The following MFSD8 variants were observed in gnomAD, a reference collection of about 807,000 sequenced individuals.
The protein encoded by MFSD8 is major facilitator superfamily domain-containing protein 8.
MFSD8 carries 55 observed loss-of-function variants against 66.4 expected under a neutral mutation model. The ratio of observed to expected loss-of-function variants is 0.83; its 90% confidence interval spans 0.67 to 1.04. The LOEUF (loss-of-function observed/expected upper bound fraction) is 1.04. MFSD8 is among the 50% of genes least tolerant of loss of function. The pLI, the probability that MFSD8 is intolerant of heterozygous loss-of-function variation, is 0.00. For synonymous variants in MFSD8, 202 were observed against 212.8 expected (o/e 0.95, Z 0.44); for missense variants, 550 against 627.6 (o/e 0.88, Z 1.32).
intron 9 of MFSD8, among the ~76,000 whole-genome samples, chr4:127,927,645 A>C (rs1199646290): frequency 6.6e-6 from 1 of 152,198 alleles, no homozygotes; most frequent in East Asian, 1.9e-4. Context: ...ATTTTACACA[A>C]GCATTTCCCT....
At chr4:127,930,602 G>C in intron 9 of MFSD8, 81 bp downstream of exon 9, 1 of 1,448,848 alleles carries the variant, frequency 6.9e-7, no homozygotes, top group Non-Finnish European at 9.6e-7. Context: ...TTATTTTCCT[G>C]GTATATCCAT....
chr4:127,936,962 T>C (rs1415760804), intron 7 of MFSD8, among the ~76,000 whole-genome samples: 1 of 152,232 alleles, frequency 6.6e-6, no homozygotes, highest in Non-Finnish European at 1.5e-5. Context: ...CTTTACCTGA[T>C]AGCTCCTTGA....
Position 127,949,851 on chromosome 4 carries a change from T to C in MFSD8, c.155-4A>G, listed in dbSNP as rs778358099. 2 of 1,608,612 alleles carry C rather than the reference T, an allele frequency of 1.2e-6. No individual in the cohort carries two copies. Among genetic ancestry groups the C allele is most frequent in the South Asian group, 2.2e-5 (2 of 89,798 alleles). On this transcript the variant is annotated splice_polypyrimidine_tract_variant and splice_region_variant and intron_variant, in intron 2 of 11. Transcript: ENST00000641686. ...GACATCATCACTACAGAAAACCCTG[T>C]GAAGAAGCAAACTAGGTTATTTATA... is the stretch of plus-strand genomic sequence containing the variant.
chr4:127,933,391 G>A (rs1738498959), intron 7 of MFSD8: 1 of 264,672 alleles, frequency 3.8e-6, no homozygotes, highest in Non-Finnish European at 7.3e-6. Context: ...GGCTACAGAT[G>A]TACTACCACG....
rs1736011267 is a variant in MFSD8 at position 127,918,054 on chromosome 4, G to C, written c.*2576C>G. On this transcript the variant is annotated 3_prime_UTR_variant, in exon 12 of 12. Transcript: ENST00000641686. ...AGAGTTTATTTTTAAATGTAAAGCTGAACAAGATAGAATGGAGATGCTTTG... is the reference window on the plus strand; with the variant it reads ...AGAGTTTATTTTTAAATGTAAAGCTCAACAAGATAGAATGGAGATGCTTTG... 6.6e-6 allele frequency: 1 copy of C among 152,140 alleles called. No individual in the cohort carries two copies. Among genetic ancestry groups the C allele is most frequent in the Non-Finnish European group, 1.5e-5 (1 of 67,996 alleles). The allele number at this position is 152,140 out of a possible 1,614,324, so 9.4% of individuals were successfully genotyped here.
At chr4:127,956,875 A>T (rs1470791135) in intron 2 of MFSD8, among the ~76,000 whole-genome samples, 3 of 151,262 alleles carry the variant, frequency 2.0e-5, no homozygotes, top group Admixed American at 6.6e-5. Flanking sequence ...AGTGTTAGGG[A>T]CTCTTAGTAG....
At chr4:127,941,401 G>C (rs1740165533) in intron 5 of MFSD8, among the ~76,000 whole-genome samples, 1 of 152,036 alleles carries the variant, frequency 6.6e-6, no homozygotes. Context: ...TATTATTCTA[G>C]GCATGAAAAT....
intron 9 of MFSD8, among the ~76,000 whole-genome samples, chr4:127,927,332 C>T (rs543792674): frequency 1.3e-5 from 2 of 152,102 alleles, no homozygotes; most frequent in Non-Finnish European, 2.9e-5. Context: ...CTGGCCACCA[C>T]ACCCAGCTAA....
chr4:127,936,981 T>A (rs964571418), intron 7 of MFSD8, among the ~76,000 whole-genome samples: 1 of 152,220 alleles, frequency 6.6e-6, no homozygotes, highest in East Asian at 1.9e-4. Context: ...GAAGTTAGCA[T>A]CCTATTTTTT....
chr4:127,965,490 G>C, upstream of MFSD8: 2 of 397,480 alleles, frequency 5.0e-6, no homozygotes, highest in Non-Finnish European at 4.7e-6. Flanking sequence ...TTCCTGGAAA[G>C]GTTACCGGAG....
In MFSD8 at chr4:127,921,694, C is replaced by T. The variant is rs768627011; in HGVS notation, c.1180G>A (p.Asp394Asn). The part of the protein sequence containing the change: ...IGLWKSPMED[D>N]NERPTGCSIE... ...GAGCAACCAGTTGGTCTTTCATTGTCATCTTCCATTGGAGACTTCCAAAGA... is the reference window on the plus strand; with the variant it reads ...GAGCAACCAGTTGGTCTTTCATTGTTATCTTCCATTGGAGACTTCCAAAGA... Residue 394 changes from aspartate (D) to asparagine (N), a missense_variant, in exon 11 of 12, where the codon GAC (aspartate) becomes AAC (asparagine). Transcript: ENST00000641686. 2 of 1,614,160 alleles carry T rather than the reference C, an allele frequency of 1.2e-6. No homozygotes were observed. The highest frequency in any genetic ancestry group is 8.5e-7 in the Non-Finnish European group (1 of 1,180,038).
At position 127,921,884 on chromosome 4, in the gene MFSD8, G is replaced by A; in HGVS notation, c.1078C>T (p.Gln360Ter). The change falls in exon 10 of 12, where the codon CAA becomes TAA. Residue 360 changes from glutamine to a stop codon, truncating the protein, a stop_gained. Transcript: ENST00000641686. LOFTEE classifies it high-confidence loss of function. ...CCTTCCCACTGTATTTTGGGAAATT[G>A]ATTTCCCCAAGGTAACAAGATAAAG... Reference protein sequence around the residue: ...GFFILLPWGNQFPKIQWEDLH... With the variant: ...GFFILLPWGN 1 of 1,614,054 alleles carries A rather than the reference G, an allele frequency of 6.2e-7. No individual in the cohort carries two copies. The highest frequency in any genetic ancestry group is 1.1e-5 in the South Asian group (1 of 91,068).
intron 9 of MFSD8, among the ~76,000 whole-genome samples, chr4:127,924,895 T>C (rs949340256): frequency 3.9e-5 from 6 of 152,116 alleles, no homozygotes; most frequent in Middle Eastern, 3.4e-3. Flanking sequence ...AAAACAGATA[T>C]ATAGACCAAT....
rs1405791431 is a variant in MFSD8 at position 127,932,996 on chromosome 4, G to A, written c.852C>T (p.Ala284=). 8 of 1,612,338 alleles carry A rather than the reference G, an allele frequency of 5.0e-6. No homozygotes were observed. In the Admixed American group the frequency reaches 5.0e-5, roughly 10 times the overall value. Reference sequence around the variant, plus strand: ...GGAATAAAACTTACGTTTCAAAAAGGGCAAAGATAAATAGAGTCACAAAAA... The same window carrying A: ...GGAATAAAACTTACGTTTCAAAAAGAGCAAAGATAAATAGAGTCACAAAAA... ...VLFFVTLFIF[A]LFETIITPLT... Residue 284 remains alanine, a synonymous_variant, in exon 8 of 12, where the codon GCC becomes GCT. Transcript: ENST00000641686.
At chr4:127,928,903 T>C (rs1418287042) in intron 9 of MFSD8, among the ~76,000 whole-genome samples, 6 of 152,244 alleles carry the variant, frequency 3.9e-5, no homozygotes, top group South Asian at 2.1e-4. Flanking sequence ...TATTCAGCCA[T>C]TGAAACCATG....
chr4:127,943,135 T>G (rs1740477058), intron 4 of MFSD8, among the ~76,000 whole-genome samples: 1 of 151,804 alleles, frequency 6.6e-6, no homozygotes, highest in Admixed American at 6.6e-5. Context: ...GAGAATTGCT[T>G]GAACCCAGGC....
At chr4:127,925,937 C>T (rs1012360726) in intron 9 of MFSD8, among the ~76,000 whole-genome samples, 1 of 152,054 alleles carries the variant, frequency 6.6e-6, no homozygotes, top group East Asian at 1.9e-4. Context: ...ATGTCTTTTA[C>T]AGTAACATGG....
upstream of MFSD8, chr4:127,965,257 T>G (rs566557774): frequency 8.1e-7 from 1 of 1,237,074 alleles, no homozygotes; most frequent in Non-Finnish European, 1.2e-6. Context: ...CGGTCAGACG[T>G]AGGCGGAACG....
At chr4:127,962,415 C>G (rs1743940447) in intron 1 of MFSD8, among the ~76,000 whole-genome samples, 1 of 152,084 alleles carries the variant, frequency 6.6e-6, no homozygotes, top group Non-Finnish European at 1.5e-5. Context: ...TGGCAGTGAG[C>G]CAAAATCGCA....
Sources: gnomAD v4.1 joint callset for allele counts (sites outside exome capture counted in the v4.1 genomes callset) on GRCh38, gnomAD v4.1.1 for gene constraint, MANE v1.5 for transcripts, NCBI Gene and HGNC (gene_info 2026-07-23, HGNC 2026-07-21) for gene names.